Variants in MCF2 observed in about 807,000 individuals in gnomAD.
MCF2 encodes proto-oncogene DBL.
Under a neutral mutation model 82.5 loss-of-function variants are expected in MCF2, and 44 were observed. The observed-to-expected ratio is 0.53, with a 90% CI of 0.42 to 0.69. MCF2 has a LOEUF of 0.69. Among genes scored for constraint, MCF2 ranks in the 30% least tolerant of loss-of-function variants. The pLI, the probability that MCF2 is intolerant of heterozygous loss-of-function variation, is 0.00. For synonymous variants in MCF2, 217 were observed against 224.9 expected (o/e 0.96, Z 0.32); for missense variants, 623 against 663.1 (o/e 0.94, Z 0.66).
At chrX:139,648,378 C>A (rs193226791) in intron 2 of MCF2, among the ~76,000 whole-genome samples, 2 of 107,746 alleles carry the variant, frequency 1.9e-5, no homozygotes, top group Non-Finnish European at 3.8e-5. Flanking sequence ...TCTCTCCACG[C>A]CCCCCCCAAA....
rs752980681 is a variant in MCF2 at position 139,595,223 on chromosome X, C to G, written c.2277+1326G>C. Among the ~76,000 whole-genome samples, 1,023 of 108,887 alleles carry G rather than the reference C, an allele frequency of 9.4e-3. 11 individuals are homozygous for G. The highest frequency in any genetic ancestry group is 0.033 in the African/African-American group (971 of 29,649). The allele number at this position is 108,887 out of a possible 115,157, so 94.6% of individuals were successfully genotyped here. On this transcript the variant is annotated intron_variant, in intron 19 of 24. Coordinates refer to ENST00000370576, the Ensembl canonical transcript of MCF2. The stretch of plus-strand genomic sequence containing the variant: ...ACCATTTGACCCAGCCATCCCATTA[C>G]TGGGTATATACCCAAAGGACTATAA...
At chrX:139,674,685 G>T (rs1204251123) in intron 1 of MCF2, among the ~76,000 whole-genome samples, 1 of 112,061 alleles carries the variant, frequency 8.9e-6, no homozygotes, top group Non-Finnish European at 1.9e-5. Context: ...TTTCTGCCGA[G>T]AGATCTGCTA....
intron 1 of MCF2, among the ~76,000 whole-genome samples, chrX:139,699,250 C>G (rs941455782): frequency 1.8e-5 from 2 of 112,368 alleles, no homozygotes; most frequent in Non-Finnish European, 3.8e-5. Context: ...AAAGTCTAGT[C>G]TCCCAATCAA....
chrX:139,671,482 A>T (rs1424967418), intron 1 of MCF2, among the ~76,000 whole-genome samples: 11 of 111,510 alleles, frequency 9.9e-5, no homozygotes, highest in East Asian at 8.5e-4. Context: ...TCTTGAATTA[A>T]TTTTTGTATA....
intron 10 of MCF2, among the ~76,000 whole-genome samples, chrX:139,613,605 A>G (rs185897661): frequency 9.0e-6 from 1 of 111,503 alleles, no homozygotes; most frequent in African/African-American, 3.2e-5. Flanking sequence ...AACTGAGGCT[A>G]AAGAGGCTAA....
chrX:139,706,384 T>TA (rs974053356), intron 1 of MCF2, among the ~76,000 whole-genome samples: 2 of 112,143 alleles, frequency 1.8e-5, no homozygotes, highest in Non-Finnish European at 3.8e-5. Context: ...TAGGCAGCCA[T>TA]AAAAAAGAAA....
At chrX:139,690,164 T>A (rs1935223855) in intron 1 of MCF2, among the ~76,000 whole-genome samples, 1 of 109,827 alleles carries the variant, frequency 9.1e-6, no homozygotes, top group African/African-American at 3.3e-5. Context: ...TGACACATTG[T>A]AATGCCACAG....
chrX:139,656,642 G>A (rs1333042372), intron 1 of MCF2, among the ~76,000 whole-genome samples: 1 of 112,183 alleles, frequency 8.9e-6, no homozygotes, highest in African/African-American at 3.2e-5. Context: ...TTGAGCAGCT[G>A]CAAGGGACGA....
chrX:139,585,236 G>T, intron 23 of MCF2, 58 bp from the exon 28 acceptor site: 2 of 725,592 alleles, frequency 2.8e-6, no homozygotes, highest in Non-Finnish European at 4.2e-6. Flanking sequence ...ACCACAAGGT[G>T]AGAAGTAAAA....
At chrX:139,587,599 G>C (rs965748209) in intron 22 of MCF2, 117 bp downstream of exon 26, 3 of 506,361 alleles carry the variant, frequency 5.9e-6, no homozygotes, top group African/African-American at 4.8e-5. Context: ...AATTTGATGA[G>C]TTATTGCTAA....
intron 15 of MCF2, among the ~76,000 whole-genome samples, chrX:139,602,766 T>C (rs1930665171): frequency 8.9e-6 from 1 of 112,226 alleles, no homozygotes; most frequent in Non-Finnish European, 1.9e-5. Flanking sequence ...GTCTGAACTA[T>C]AAAAACCTAC....
intron 1 of MCF2, among the ~76,000 whole-genome samples, chrX:139,633,312 C>T (rs189010239): frequency 5.4e-5 from 6 of 111,812 alleles, no homozygotes; most frequent in African/African-American, 6.5e-5. Context: ...AAGTGGAGAA[C>T]GGAGTAACAT....
chrX:139,597,647 G>A, intron 17 of MCF2, 62 bp from the exon 22 acceptor site: 1 of 972,670 alleles, frequency 1.0e-6, no homozygotes, highest in Non-Finnish European at 1.4e-6. Flanking sequence ...AAATGAATAA[G>A]TTTTTGGCTA....
chrX:139,582,257 C>T (rs771397482), exon 25 of MCF2: 2 of 451,371 alleles, frequency 4.4e-6, no homozygotes, highest in East Asian at 3.8e-5. Flanking sequence ...ATATCTGACA[C>T]ATTAAATACA....
chrX:139,596,903 T>C (rs920063093), intron 18 of MCF2, 133 bp from the exon 23 acceptor site: 4 of 476,994 alleles, frequency 8.4e-6, no homozygotes, highest in Non-Finnish European at 1.4e-5. Context: ...AACTTAACTT[T>C]GTATGTTAAA....
At chrX:139,622,675 G>T (rs1332023149) in intron 6 of MCF2, among the ~76,000 whole-genome samples, 2 of 105,909 alleles carry the variant, frequency 1.9e-5, no homozygotes, top group East Asian at 3.0e-4. Flanking sequence ...GGTGGGAATT[G>T]AACAATGAGA....
intron 10 of MCF2, among the ~76,000 whole-genome samples, 186 bp from the exon 15 acceptor site, chrX:139,610,524 G>T (rs1368841230): frequency 9.0e-6 from 1 of 111,655 alleles, no homozygotes; most frequent in Non-Finnish European, 1.9e-5. Flanking sequence ...GCTTCTTACT[G>T]AGCATGATTT....
At chrX:139,606,896 C>T (rs1603282372) in intron 12 of MCF2, among the ~76,000 whole-genome samples, 1 of 110,204 alleles carries the variant, frequency 9.1e-6, no homozygotes, top group East Asian at 2.8e-4. Flanking sequence ...ATATGTATCT[C>T]ATACATACAT....
chrX:139,702,050 T>C (rs1248921023), intron 1 of MCF2, among the ~76,000 whole-genome samples: 2 of 111,692 alleles, frequency 1.8e-5, no homozygotes, highest in African/African-American at 6.5e-5. Flanking sequence ...CCTGGCCTGC[T>C]ATCCAGATTG....
Sources: allele counts gnomAD v4.1 joint callset (sites outside exome capture counted in the v4.1 genomes callset), GRCh38; gene constraint gnomAD v4.1.1; transcripts MANE v1.5; gene names NCBI Gene and HGNC (gene_info 2026-07-23, HGNC 2026-07-21).